Variants in BACH1 observed in about 807,000 individuals in gnomAD.
BACH1 encodes the protein transcription regulator protein BACH1.
Under a neutral mutation model 52.9 loss-of-function variants are expected in BACH1, and 35 were observed. The ratio of observed to expected loss-of-function variants is 0.66; its 90% CI spans 0.51 to 0.88. BACH1 has a LOEUF of 0.88. Ranked by LOEUF, BACH1 falls within the 40% of genes least tolerant of loss-of-function variation. BACH1 has a pLI of 0.00. For missense variants in BACH1, 808 were observed against 872.6 expected (o/e 0.93, Z 0.93); for synonymous variants, 321 against 319.6 (o/e 1.00, Z -0.05).
intron 4 of BACH1, among the ~76,000 whole-genome samples, chr21:29,329,920 G>C (rs2088961343): frequency 6.6e-6 from 1 of 152,134 alleles, no homozygotes; most frequent in South Asian, 2.1e-4. Flanking sequence ...ATCATTAGTG[G>C]TTGTGAATAG....
rs1222990450 is a variant in BACH1, at chr21:29,344,102, C to CT, written c.*1273dup. ...CCTATCGCATAACATTTTGCGGTGG[C>CT]TTTTAGCCATGCTGGGGTTAGATGT... On this transcript the variant is annotated 3_prime_UTR_variant, in exon 5 of 5. Transcript: ENST00000286800. 6.6e-6 allele frequency: 1 copy of CT among 152,156 alleles called. No homozygotes were observed. The highest frequency in any genetic ancestry group is 1.5e-5 in the Non-Finnish European group (1 of 68,030). The allele number at this position is 152,156 out of a possible 1,614,324, so 9.4% of individuals were successfully genotyped here.
chr21:29,325,517 T>C (rs893142442), intron 2 of BACH1, among the ~76,000 whole-genome samples: 3 of 152,236 alleles, frequency 2.0e-5, no homozygotes, highest in Admixed American at 6.5e-5. Flanking sequence ...AAACTTTTAC[T>C]GTTAGGAATT....
chr21:29,329,630 A>G lies in BACH1; in HGVS notation c.1713A>G (p.Ala571=). 6.2e-7 allele frequency: 1 copy of G among 1,604,396 alleles called. No individual in the cohort carries two copies. Among genetic ancestry groups the G allele is most frequent in the Non-Finnish European group, 8.5e-7 (1 of 1,176,458 alleles). The change falls in exon 4 of 5, where the codon GCA becomes GCG. Residue 571 remains alanine, a synonymous_variant. Transcript: ENST00000286800. ...GAAGAAGTAAAAACAGAATTGCTGCACAGCGCTGTCGCAAGAGAAAACTTG... is the reference window on the plus strand; with the variant it reads ...GAAGAAGTAAAAACAGAATTGCTGCGCAGCGCTGTCGCAAGAGAAAACTTG... ...IRRRSKNRIA[A]QRCRKRKLDC...
At chr21:29,303,019 A>G (rs990091887) in intron 1 of BACH1, among the ~76,000 whole-genome samples, 4 of 152,230 alleles carry the variant, frequency 2.6e-5, no homozygotes, top group East Asian at 1.9e-4. Flanking sequence ...TGTAGTTGAC[A>G]TTGTGGCCTG....
chr21:29,322,294 A>G (rs1159784302), intron 2 of BACH1, among the ~76,000 whole-genome samples: 1 of 152,190 alleles, frequency 6.6e-6, no homozygotes, highest in Admixed American at 6.5e-5. Context: ...ATCTCCTATG[A>G]AAAGGAGGCA....
chr21:29,310,365 C>T (rs2088706716), intron 1 of BACH1, among the ~76,000 whole-genome samples: 1 of 152,196 alleles, frequency 6.6e-6, no homozygotes, highest in African/African-American at 2.4e-5. Flanking sequence ...TTACCTAGAT[C>T]TTACCATGCT....
At chr21:29,341,883 G>C (rs1203958116) in intron 4 of BACH1, among the ~76,000 whole-genome samples, 1 of 152,190 alleles carries the variant, frequency 6.6e-6, no homozygotes, top group Admixed American at 6.5e-5. Flanking sequence ...TTGAGTCTCA[G>C]TAATTAAGTT....
chr21:29,358,851 G>T (rs1453529177), intron 2 of BACH1, among the ~76,000 whole-genome samples: 1 of 151,390 alleles, frequency 6.6e-6, no homozygotes, highest in Non-Finnish European at 1.5e-5. Flanking sequence ...TAAATAGAAA[G>T]AAGTAAAAAA....
At chr21:29,333,368 G>C (rs1439971827) in intron 4 of BACH1, among the ~76,000 whole-genome samples, 1 of 152,132 alleles carries the variant, frequency 6.6e-6, no homozygotes, top group African/African-American at 2.4e-5. Context: ...ACAGATATTT[G>C]TGTATATTTT....
intron 2 of BACH1, among the ~76,000 whole-genome samples, chr21:29,324,115 G>A (rs546515364): frequency 6.6e-6 from 1 of 151,988 alleles, no homozygotes; most frequent in East Asian, 1.9e-4. Flanking sequence ...AGCCAGGCGT[G>A]GTGGCGGGCA....
chr21:29,342,908 CA>C lies in BACH1; in HGVS notation c.*76del. The C allele has an allele frequency of 7.2e-7, 1 of 1,389,644 alleles. No homozygotes were observed. Among genetic ancestry groups the C allele is most frequent in the Non-Finnish European group, 9.7e-7 (1 of 1,029,616 alleles). 86.1% of individuals were successfully genotyped at this position (1,389,644 alleles called of 1,614,324 possible). The stretch of plus-strand genomic sequence containing the variant: ...CAGCGTCTTGAAAGCCTAATATGAC[CA>C]TCTGTTGCTCAACAATACTGTTTTT... On this transcript the variant is annotated 3_prime_UTR_variant, in exon 5 of 5. Coordinates refer to ENST00000286800, the MANE Select transcript of BACH1 (RefSeq NM_001186.4).
chr21:29,304,253 G>A (rs991732799), intron 1 of BACH1, among the ~76,000 whole-genome samples: 1 of 151,690 alleles, frequency 6.6e-6, no homozygotes, highest in African/African-American at 2.4e-5. Context: ...AGCCTCCGTA[G>A]TAGCTGGAAT....
At chr21:29,313,891 G>C (rs1153289) in intron 1 of BACH1, among the ~76,000 whole-genome samples, 2 of 151,384 alleles carry the variant, frequency 1.3e-5, no homozygotes, top group Non-Finnish European at 2.9e-5. Flanking sequence ...TGGTTGGGGG[G>C]GGTGGTGGTG....
At position 29,329,623 on chromosome 21, in the gene BACH1, T is replaced by C; in HGVS notation, c.1706T>C (p.Ile569Thr). The C allele has an allele frequency of 3.7e-6, 6 of 1,605,296 alleles. No homozygotes were observed. The highest frequency in any genetic ancestry group is 5.1e-6 in the Non-Finnish European group (6 of 1,176,878). Residue 569 changes from isoleucine (I) to threonine (T), a missense_variant, in exon 4 of 5, where the codon ATT becomes ACT. Coordinates refer to ENST00000286800, the MANE Select transcript of BACH1 (RefSeq NM_001186.4). Reference sequence around the variant, plus strand: ...ATTCGAAGAAGAAGTAAAAACAGAATTGCTGCACAGCGCTGTCGCAAGAGA... The same window carrying C: ...ATTCGAAGAAGAAGTAAAAACAGAACTGCTGCACAGCGCTGTCGCAAGAGA... ...HDIRRRSKNRIAAQRCRKRKL... is the reference protein window; with the variant it reads ...HDIRRRSKNRTAAQRCRKRKL...
chr21:29,299,403 T>C (rs2088577720), intron 1 of BACH1: 2 of 152,658 alleles, frequency 1.3e-5, no homozygotes, highest in Non-Finnish European at 2.9e-5. Flanking sequence ...TCCCACCGCA[T>C]GCCCAGCCTC....
chr21:29,320,720 C>T (rs902125025), intron 1 of BACH1, among the ~76,000 whole-genome samples: 18 of 152,218 alleles, frequency 1.2e-4, no homozygotes, highest in African/African-American at 4.3e-4. Flanking sequence ...ACTAAATTCA[C>T]TTGCCATCTA....
chr21:29,320,372 C>G (rs1012548538), intron 1 of BACH1, among the ~76,000 whole-genome samples: 5 of 152,070 alleles, frequency 3.3e-5, no homozygotes, highest in African/African-American at 1.2e-4. Flanking sequence ...AGAATAGTAG[C>G]ACATGTCTGA....
chr21:29,336,869 A>C (rs1320894191), intron 4 of BACH1, among the ~76,000 whole-genome samples: 2 of 151,948 alleles, frequency 1.3e-5, no homozygotes, highest in Non-Finnish European at 2.9e-5. Flanking sequence ...ATGGGTTTTC[A>C]TCGTGTTGGC....
rs2088925037 is a variant in BACH1, at chr21:29,327,272, A to G, written c.1448A>G (p.Tyr483Cys). 5 of 1,614,098 alleles carry G rather than the reference A, an allele frequency of 3.1e-6. No individual in the cohort carries two copies. The highest frequency in any genetic ancestry group is 4.2e-6 in the Non-Finnish European group (5 of 1,180,056). ...SSNLEIGNDD[Y>C]VSEPQQEPCP... ...AATTTGGAAATTGGAAACGATGATT[A>G]TGTTTCAGAACCCCAGCAAGAACCT... The change falls in exon 3 of 5, where the codon TAT becomes TGT. Residue 483 changes from tyrosine (Y) to cysteine (C), a missense_variant. Tyr to Cys is a radical substitution (Grantham distance 194, BLOSUM62 -2). Transcript: ENST00000286800.
Sources: allele counts gnomAD v4.1 joint callset (sites outside exome capture counted in the v4.1 genomes callset), GRCh38; gene constraint gnomAD v4.1.1; transcripts MANE v1.5; gene names NCBI Gene and HGNC (gene_info 2026-07-23, HGNC 2026-07-21).